FGD4: variants seen among roughly 807,000 people sequenced by gnomAD.
FGD4 encodes the protein FYVE, RhoGEF and PH domain containing 4, also known as FYVE, RhoGEF and PH domain-containing protein 4.
Under a neutral mutation model 102.0 loss-of-function variants are expected in FGD4, and 42 were observed. The observed-to-expected ratio is 0.41, with a 90% CI of 0.32 to 0.53. The LOEUF (loss-of-function observed/expected upper bound fraction) is 0.53. Ranked by LOEUF, FGD4 falls within the 20% of genes least tolerant of loss-of-function variation. The pLI is 0.21. For missense variants in FGD4, 902 were observed against 1,078.2 expected (o/e 0.84, Z 2.29); for synonymous variants, 380 against 375.7 (o/e 1.01, Z -0.13).
At chr12:32,482,954 A>G (rs1052713959) in intron 1 of FGD4, among the ~76,000 whole-genome samples, 1 of 152,182 alleles carries the variant, frequency 6.6e-6, no homozygotes, top group Non-Finnish European at 1.5e-5. Context: ...CCTATTAATG[A>G]CTTTTTGTTG....
chr12:32,626,846 T>G (rs1950204762), intron 14 of FGD4, among the ~76,000 whole-genome samples: 1 of 152,160 alleles, frequency 6.6e-6, no homozygotes, highest in South Asian at 2.1e-4. Flanking sequence ...TGGTTTTTTT[T>G]GTTTTGTTTT....
chr12:32,414,081 C>T (rs2136402035), intron 1 of FGD4, among the ~76,000 whole-genome samples: 1 of 150,948 alleles, frequency 6.6e-6, no homozygotes, highest in South Asian at 2.1e-4. Flanking sequence ...AAGGGATTCT[C>T]CTGCCTCAGC....
At chr12:32,411,372 A>G (rs886850415) in intron 1 of FGD4, among the ~76,000 whole-genome samples, 2 of 151,768 alleles carry the variant, frequency 1.3e-5, no homozygotes, top group Non-Finnish European at 2.9e-5. Context: ...CCTCTCTACT[A>G]AAAATACAAA....
chr12:32,467,239 T>C (rs971930840), intron 1 of FGD4, among the ~76,000 whole-genome samples: 1 of 152,110 alleles, frequency 6.6e-6, no homozygotes, highest in African/African-American at 2.4e-5. Flanking sequence ...AATAAACCCT[T>C]TTTTCATTTT....
intron 3 of FGD4, 140 bp from the exon 4 acceptor site, chr12:32,581,820 T>G (rs1245628927): frequency 1.1e-6 from 1 of 896,420 alleles, no homozygotes; most frequent in Non-Finnish European, 1.7e-6. Context: ...ACTAAGAATA[T>G]TCAAATCCAT....
intron 1 of FGD4, among the ~76,000 whole-genome samples, chr12:32,473,961 G>A (rs1220030452): frequency 2.0e-5 from 3 of 151,982 alleles, no homozygotes; most frequent in South Asian, 4.1e-4. Flanking sequence ...GGTGGTGGGC[G>A]CCTGTAGTCC....
rs1235724865 is a variant in FGD4 at position 32,641,382 on chromosome 12, A to G, written c.*849A>G. On this transcript the variant is annotated 3_prime_UTR_variant, in exon 17 of 17. Transcript: ENST00000534526. Reference sequence around the variant, plus strand: ...TGAATTCCAACAGTACTTTTAAAGTACCATTTTTTGTTTCTGTGCCTATTT... The same window carrying G: ...TGAATTCCAACAGTACTTTTAAAGTGCCATTTTTTGTTTCTGTGCCTATTT... 6.6e-6 allele frequency: 1 copy of G among 152,154 alleles called. No homozygotes were observed. Among genetic ancestry groups the G allele is most frequent in the Non-Finnish European group, 1.5e-5 (1 of 68,020 alleles). The allele number at this position is 152,154 out of a possible 1,614,324, so 9.4% of individuals were successfully genotyped here.
chr12:32,470,191 C>T (rs1005735413), intron 1 of FGD4, among the ~76,000 whole-genome samples: 1 of 152,016 alleles, frequency 6.6e-6, no homozygotes, highest in Admixed American at 6.6e-5. Context: ...ATACCTCTTC[C>T]AGAGTTTCAG....
chr12:32,522,043 A>G (rs1458830521), intron 1 of FGD4, among the ~76,000 whole-genome samples: 2 of 152,240 alleles, frequency 1.3e-5, no homozygotes, highest in African/African-American at 4.8e-5. Context: ...AAACGTGCAT[A>G]TGATGGAAAT....
intron 2 of FGD4, among the ~76,000 whole-genome samples, chr12:32,573,737 A>G (rs1330748997): frequency 6.6e-6 from 1 of 152,140 alleles, no homozygotes; most frequent in Non-Finnish European, 1.5e-5. Context: ...GCTGAATTTG[A>G]TACCTCCTCT....
intron 10 of FGD4, among the ~76,000 whole-genome samples, chr12:32,617,812 A>G (rs1217779446): frequency 1.3e-5 from 2 of 152,236 alleles, no homozygotes; most frequent in South Asian, 2.1e-4. Context: ...AGGGCTAGCT[A>G]CTTGGTTTCT....
Position 32,616,769 on chromosome 12 carries a change from T to C in FGD4, c.1750-2929T>C, listed in dbSNP as rs1465401235. The stretch of plus-strand genomic sequence containing the variant: ...TGCATATTTTCATGCCTCCATACCA[T>C]ACTTTTTCATTGTTTTTTATGTTAA... On this transcript the variant is annotated intron_variant, in intron 10 of 16. Coordinates refer to ENST00000534526, the MANE Select transcript of FGD4 (RefSeq NM_001370298.3). 7.2e-5 allele frequency among the ~76,000 whole-genome samples: 11 copies of C among 152,240 alleles called. 1 individual carries two copies. The highest frequency in any genetic ancestry group is 7.2e-4 in the Admixed American group (11 of 15,284).
intron 14 of FGD4, among the ~76,000 whole-genome samples, chr12:32,627,250 G>A (rs1330176864): frequency 2.0e-5 from 3 of 151,994 alleles, no homozygotes; most frequent in African/African-American, 4.8e-5. Flanking sequence ...CACCTCCCGG[G>A]TTCAAGTGAT....
intron 4 of FGD4, among the ~76,000 whole-genome samples, chr12:32,587,766 T>C (rs989013374): frequency 2.6e-5 from 4 of 152,108 alleles, no homozygotes; most frequent in Non-Finnish European, 5.9e-5. Flanking sequence ...AGGAAAGTAA[T>C]GGTGTGGGTT....
At chr12:32,579,039 GTTTTTT>G (rs35186090) in intron 3 of FGD4, among the ~76,000 whole-genome samples, 8 of 66,128 alleles carry the variant, frequency 1.2e-4, no homozygotes, top group African/African-American at 5.2e-4. Flanking sequence ...AACATTAGTG[GTTTTTT>G]TTTTTTTTTT....
At chr12:32,589,360 C>T (rs1265373973) in intron 4 of FGD4, among the ~76,000 whole-genome samples, 4 of 152,146 alleles carry the variant, frequency 2.6e-5, no homozygotes, top group African/African-American at 9.7e-5. Flanking sequence ...TCTTTTTTAA[C>T]TTAGGGTTCC....
chr12:32,485,616 T>G (rs1446931074), intron 1 of FGD4, among the ~76,000 whole-genome samples: 1 of 151,766 alleles, frequency 6.6e-6, no homozygotes, highest in Non-Finnish European at 1.5e-5. Context: ...AATTTTTTTT[T>G]TGTATTTTCA....
At chr12:32,583,905 C>T (rs1387152008) in intron 4 of FGD4, among the ~76,000 whole-genome samples, 1 of 152,280 alleles carries the variant, frequency 6.6e-6, no homozygotes, top group East Asian at 1.9e-4. Flanking sequence ...AATCTTTTGC[C>T]ACTGTTGGGA....
chr12:32,591,012 A>G (rs903867608), intron 4 of FGD4, among the ~76,000 whole-genome samples: 1 of 152,236 alleles, frequency 6.6e-6, no homozygotes, highest in Non-Finnish European at 1.5e-5. Flanking sequence ...GACAAGACAT[A>G]TAAAATGACA....
Sources: gnomAD v4.1 joint callset for allele counts (sites outside exome capture counted in the v4.1 genomes callset) on GRCh38, gnomAD v4.1.1 for gene constraint, MANE v1.5 for transcripts, NCBI Gene and HGNC (gene_info 2026-07-23, HGNC 2026-07-21) for gene names.